The following ARHGEF38 variants were observed in gnomAD, a reference collection of about 807,000 sequenced individuals.
ARHGEF38 encodes the protein Rho guanine nucleotide exchange factor 38, also known as Rho guanine nucleotide exchange factor (GEF) 38.
Under a neutral mutation model 79.9 loss-of-function variants are expected in ARHGEF38, and 79 were observed. The observed-to-expected ratio is 0.99, with a 90% CI of 0.82 to 1.19. ARHGEF38 has a LOEUF of 1.19. ARHGEF38 is among the 50% of genes most tolerant of loss of function. ARHGEF38 has a pLI of 0.00. For missense variants in ARHGEF38, 962 were observed against 907.2 expected, an observed-to-expected ratio of 1.06 and a Z score of -0.78; for synonymous variants, 366 against 328.3, an observed-to-expected ratio of 1.11 and a Z score of -1.24.
intron 4 of ARHGEF38, chr4:105,631,525 C>T (rs1729193387): frequency 1.0e-5 from 10 of 985,484 alleles, no homozygotes; most frequent in Non-Finnish European, 1.2e-5. Flanking sequence ...AAGTTAGTTT[C>T]AGAACAATTA....
At chr4:105,682,131 T>C (rs1452694201), downstream of ARHGEF38, among the ~76,000 whole-genome samples, 1 of 152,034 alleles carries the variant, frequency 6.6e-6, no homozygotes, top group Non-Finnish European at 1.5e-5. Context: ...TCACAATTTA[T>C]TGGAAAAAGA....
chr4:105,574,922 C>A (rs1185977263), intron 1 of ARHGEF38, among the ~76,000 whole-genome samples: 1 of 151,560 alleles, frequency 6.6e-6, no homozygotes, highest in Non-Finnish European at 1.5e-5. Context: ...TTATTTCATT[C>A]TTTTTTATGG....
intron 2 of ARHGEF38, among the ~76,000 whole-genome samples, chr4:105,607,614 T>C (rs1728107492): frequency 6.6e-6 from 1 of 151,848 alleles, no homozygotes; most frequent in Non-Finnish European, 1.5e-5. Flanking sequence ...AAGCAGGGAG[T>C]AATACAAAGC....
intron 5 of ARHGEF38, among the ~76,000 whole-genome samples, chr4:105,643,157 T>C (rs1024882427): frequency 9.2e-5 from 14 of 151,772 alleles, no homozygotes; most frequent in African/African-American, 2.7e-4. Context: ...GTATAAATAC[T>C]GAAAACAGTT....
intron 13 of ARHGEF38, among the ~76,000 whole-genome samples, chr4:105,673,011 A>G (rs4698950): frequency 0.16 from 23,696 of 152,116 alleles, 2,973 homozygotes; most frequent in African/African-American, 0.35. Flanking sequence ...ATGCACTTCA[A>G]AAGTCTCATA....
chr4:105,613,262 T>G (rs891796316), intron 2 of ARHGEF38, 122 bp from the exon 3 acceptor site: 10 of 1,222,276 alleles, frequency 8.2e-6, no homozygotes, highest in Non-Finnish European at 9.8e-6. Context: ...TAAATAAGAA[T>G]GTTAACAGAA....
intron 2 of ARHGEF38, among the ~76,000 whole-genome samples, chr4:105,602,029 G>A (rs1032857370): frequency 1.3e-5 from 2 of 152,052 alleles, no homozygotes. Context: ...AAATACTTAT[G>A]GATTGAAAAA....
chr4:105,604,294 C>G (rs1427116716), intron 2 of ARHGEF38, among the ~76,000 whole-genome samples: 1 of 152,154 alleles, frequency 6.6e-6, no homozygotes, highest in Non-Finnish European at 1.5e-5. Flanking sequence ...TGATTAAATC[C>G]TGGAAACACC....
intron 10 of ARHGEF38, among the ~76,000 whole-genome samples, chr4:105,665,887 G>T (rs1730731277): frequency 6.6e-6 from 1 of 152,158 alleles, no homozygotes; most frequent in Non-Finnish European, 1.5e-5. Flanking sequence ...CACAAGGGAG[G>T]TACCTACTGC....
chr4:105,660,949 G>C (rs553974249), intron 10 of ARHGEF38, among the ~76,000 whole-genome samples: 1 of 151,908 alleles, frequency 6.6e-6, no homozygotes, highest in Non-Finnish European at 1.5e-5. Flanking sequence ...GAACATTGTC[G>C]TGGCCCCCTA....
intron 13 of ARHGEF38, among the ~76,000 whole-genome samples, chr4:105,671,776 CTT>C (rs1443221671): frequency 6.6e-6 from 1 of 152,188 alleles, no homozygotes; most frequent in African/African-American, 2.4e-5. Flanking sequence ...GCTATTTAGA[CTT>C]TCGTTCTTGA....
intron 4 of ARHGEF38, among the ~76,000 whole-genome samples, chr4:105,632,326 G>A (rs1233496904): frequency 6.6e-6 from 1 of 152,040 alleles, no homozygotes; most frequent in Non-Finnish European, 1.5e-5. Flanking sequence ...GTAGTTCTGG[G>A]GGCTAAGTAT....
chr4:105,669,200 A>G (rs564694256), intron 13 of ARHGEF38, among the ~76,000 whole-genome samples: 1 of 152,302 alleles, frequency 6.6e-6, no homozygotes, highest in East Asian at 1.9e-4. Context: ...TATGGTATAT[A>G]GGGTTTTTTT....
chr4:105,635,525 C>G (rs1729364181), intron 4 of ARHGEF38, among the ~76,000 whole-genome samples: 1 of 151,890 alleles, frequency 6.6e-6, no homozygotes, highest in Non-Finnish European at 1.5e-5. Context: ...GTTTTGATTC[C>G]TAAATGATCA....
intron 9 of ARHGEF38, among the ~76,000 whole-genome samples, chr4:105,656,341 A>C (rs1730324614): frequency 6.6e-6 from 1 of 152,196 alleles, no homozygotes; most frequent in Admixed American, 6.5e-5. Flanking sequence ...TTGAGTCCTT[A>C]CAGAAAGAGC....
intron 1 of ARHGEF38, among the ~76,000 whole-genome samples, chr4:105,555,800 TGTA>T (rs2110386380): frequency 6.6e-6 from 1 of 152,340 alleles, no homozygotes; most frequent in Admixed American, 6.5e-5. Flanking sequence ...TTCCGTAAAA[TGTA>T]AGATTTTTCT....
chr4:105,579,293 A>T (rs1196525643), intron 1 of ARHGEF38, among the ~76,000 whole-genome samples: 2 of 152,166 alleles, frequency 1.3e-5, no homozygotes, highest in African/African-American at 2.4e-5. Flanking sequence ...GAGAGCGGGC[A>T]TTCTTGTCTT....
chr4:105,560,115 C>T lies in ARHGEF38; in HGVS notation c.196+7154C>T, dbSNP rs6533207. Among the ~76,000 whole-genome samples the T allele has an allele frequency of 4.4e-3, 676 of 152,298 alleles. 7 individuals are homozygous for T. Among genetic ancestry groups the T allele is most frequent in the African/African-American group, 0.015 (638 of 41,572 alleles). On this transcript the variant is annotated intron_variant, in intron 1 of 13. Coordinates refer to ENST00000420470, the MANE Select transcript of ARHGEF38 (RefSeq NM_001242729.2). ...CAGCACATGTTTTGTAATGTGATGA[C>T]ATTTCTCTGCTACCATAATAAAGCT... is the stretch of plus-strand genomic sequence containing the variant.
chr4:105,680,454 T>C lies in ARHGEF38; in HGVS notation c.*2517T>C, dbSNP rs192773612. ...CCCTCCATTCATACCACTTAAATTC[T>C]AGTGGGGAAAACATCTGCACATAAC... On this transcript the variant is annotated 3_prime_UTR_variant, in exon 14 of 14. Coordinates refer to ENST00000420470, the MANE Select transcript of ARHGEF38 (RefSeq NM_001242729.2). 2.5e-5 allele frequency: 4 copies of C among 158,340 alleles called. No homozygotes were observed. Among genetic ancestry groups the C allele is most frequent in the African/African-American group, 9.6e-5 (4 of 41,684 alleles). The allele number at this position is 158,340 out of a possible 1,614,324, so 9.8% of individuals were successfully genotyped here.
Sources: allele counts gnomAD v4.1 joint callset (sites outside exome capture counted in the v4.1 genomes callset), GRCh38; gene constraint gnomAD v4.1.1; transcripts MANE v1.5; gene names NCBI Gene and HGNC (gene_info 2026-07-23, HGNC 2026-07-21).